The following TASP1 variants were observed in gnomAD, a reference collection of about 807,000 sequenced individuals.
TASP1 encodes taspase 1, also known as threonine aspartase 1.
Under a neutral mutation model 56.6 loss-of-function variants are expected in TASP1, and 16 were observed. The ratio of observed to expected loss-of-function variants is 0.28; its 90% CI spans 0.19 to 0.43. TASP1 has a LOEUF of 0.43. TASP1 is among the 20% of genes least tolerant of loss of function. TASP1 has a pLI of 1.00. For synonymous variants in TASP1, 179 were observed against 184.2 expected, an observed-to-expected ratio of 0.97 and a Z score of 0.23; for missense variants, 393 against 511.6, an observed-to-expected ratio of 0.77 and a Z score of 2.24.
the TASP1 span, among the ~76,000 whole-genome samples, chr20:13,276,463 C>T: frequency 3.3e-5 from 5 of 152,144 alleles, no homozygotes; most frequent in Non-Finnish European, 5.9e-5. Context: ...ACAGAATTAT[C>T]GAAATGGGCA....
At chr20:13,420,087 C>T (rs548501715) in intron 12 of TASP1, among the ~76,000 whole-genome samples, 4 of 152,058 alleles carry the variant, frequency 2.6e-5, no homozygotes, top group South Asian at 2.1e-4. Context: ...CCTCATGCCC[C>T]GAATATTAAG....
the TASP1 span, chr20:13,168,809 A>C: frequency 6.6e-6 from 1 of 152,222 alleles, no homozygotes; most frequent in South Asian, 2.1e-4. Context: ...TCAAAACAGT[A>C]AGAACAATTT....
the TASP1 span, among the ~76,000 whole-genome samples, chr20:13,114,250 G>C: frequency 6.6e-6 from 1 of 152,116 alleles, no homozygotes; most frequent in African/African-American, 2.4e-5. Flanking sequence ...GCATGATTTG[G>C]GGTTTAAAAC....
intron 4 of TASP1, among the ~76,000 whole-genome samples, chr20:13,620,420 C>T (rs1450587922): frequency 6.6e-6 from 1 of 152,112 alleles, no homozygotes; most frequent in South Asian, 2.1e-4. Context: ...AATATACAGC[C>T]AGATACACTT....
At chr20:13,230,951 T>C in the TASP1 span, among the ~76,000 whole-genome samples, 25 of 152,232 alleles carry the variant, frequency 1.6e-4, no homozygotes, top group Non-Finnish European at 2.9e-4. Context: ...AGTGTTTCTC[T>C]TGGGACTAAG....
intron 10 of TASP1, among the ~76,000 whole-genome samples, chr20:13,518,796 C>T (rs1439416865): frequency 6.6e-6 from 1 of 151,990 alleles, no homozygotes; most frequent in African/African-American, 2.4e-5. Context: ...AAAAATAGAA[C>T]CACCATTTGA....
At chr20:13,490,003 A>C (rs1424283812) in intron 10 of TASP1, among the ~76,000 whole-genome samples, 1 of 152,190 alleles carries the variant, frequency 6.6e-6, no homozygotes. Flanking sequence ...ATGGCTCAGA[A>C]AACTTTACAC....
At chr20:13,397,273 G>T (rs774782340) in intron 13 of TASP1, among the ~76,000 whole-genome samples, 4 of 152,200 alleles carry the variant, frequency 2.6e-5, no homozygotes, top group Non-Finnish European at 5.9e-5. Context: ...GTCTTTGCAG[G>T]ATGCAGAAAC....
chr20:13,293,378 A>G, the TASP1 span, among the ~76,000 whole-genome samples: 1 of 152,130 alleles, frequency 6.6e-6, no homozygotes, highest in East Asian at 1.9e-4. Flanking sequence ...GTGCTTCTCT[A>G]TATACTTAAG....
chr20:13,263,239 G>T, the TASP1 span, among the ~76,000 whole-genome samples: 2 of 152,158 alleles, frequency 1.3e-5, no homozygotes, highest in Non-Finnish European at 2.9e-5. Flanking sequence ...GCAGCAGCTG[G>T]TCAGCCTTGT....
At chr20:13,393,322 T>C (rs1479448234) in intron 13 of TASP1, 2 of 758,938 alleles carry the variant, frequency 2.6e-6, no homozygotes, top group South Asian at 2.7e-5. Context: ...GCCAAGGCTG[T>C]GGGCAAGGTC....
the TASP1 span, among the ~76,000 whole-genome samples, chr20:13,225,820 C>T: frequency 6.6e-6 from 1 of 152,042 alleles, no homozygotes. Context: ...TAATCAGATA[C>T]TCAGATTAGT....
chr20:13,528,350 G>T, intron 10 of TASP1, 83 bp downstream of exon 10: 3 of 1,173,622 alleles, frequency 2.6e-6, no homozygotes, highest in Non-Finnish European at 2.4e-6. Flanking sequence ...CATGTTCTAT[G>T]TTTACCCACA....
intron 6 of TASP1, among the ~76,000 whole-genome samples, chr20:13,571,276 A>G (rs2046703801): frequency 6.6e-6 from 1 of 152,198 alleles, no homozygotes; most frequent in African/African-American, 2.4e-5. Flanking sequence ...GTAGGTCATC[A>G]TCACACAAAA....
chr20:13,232,990 G>A, the TASP1 span, among the ~76,000 whole-genome samples: 1 of 151,784 alleles, frequency 6.6e-6, no homozygotes, highest in South Asian at 2.1e-4. Context: ...GACCATCATG[G>A]TGGGGGTTGT....
At chr20:13,582,344 T>G (rs1601332981) in intron 5 of TASP1, among the ~76,000 whole-genome samples, 1 of 151,356 alleles carries the variant, frequency 6.6e-6, no homozygotes, top group Admixed American at 6.6e-5. Context: ...ACTTATAAAT[T>G]TATAACTTAT....
the TASP1 span, among the ~76,000 whole-genome samples, chr20:13,174,912 G>T: frequency 6.6e-6 from 1 of 152,062 alleles, no homozygotes; most frequent in Admixed American, 6.5e-5. Flanking sequence ...ACCCCCATAT[G>T]GTTCTCATAG....
intron 11 of TASP1, among the ~76,000 whole-genome samples, chr20:13,439,779 A>G (rs1020395914): frequency 6.6e-6 from 1 of 152,200 alleles, no homozygotes; most frequent in African/African-American, 2.4e-5. Context: ...AGTCAAAAAT[A>G]TAAGAAAATC....
At chr20:13,279,453 G>A in the TASP1 span, among the ~76,000 whole-genome samples, 6 of 152,130 alleles carry the variant, frequency 3.9e-5, no homozygotes, top group African/African-American at 7.2e-5. Context: ...CCATCTAGCC[G>A]TGGAATTCTT....
Sources: gnomAD v4.1 joint callset for allele counts (sites outside exome capture counted in the v4.1 genomes callset) on GRCh38, gnomAD v4.1.1 for gene constraint, MANE v1.5 for transcripts, NCBI Gene and HGNC (gene_info 2026-07-23, HGNC 2026-07-21) for gene names.